The following PKD1L3 variants were observed in gnomAD, a reference collection of about 807,000 sequenced individuals.
The protein encoded by PKD1L3 is polycystin-1-like protein 3.
Under a neutral mutation model 184.1 loss-of-function variants are expected in PKD1L3, and 239 were observed. The observed-to-expected ratio is 1.30, with a 90% confidence interval of 1.17 to 1.45. The LOEUF is 1.45. Ranked by LOEUF, PKD1L3 falls within the 40% of genes most tolerant of loss-of-function variation. The pLI is 0.00. For missense variants in PKD1L3, 2,660 were observed against 2,067.2 expected (o/e 1.29, Z -5.56); for synonymous variants, 996 against 778.8 (o/e 1.28, Z -4.64).
At position 71,954,202 on chromosome 16, in the gene PKD1L3, T is replaced by C. The variant is rs1158788393; in HGVS notation, c.2712A>G (p.Gln904=). 1.9e-6 allele frequency: 3 copies of C among 1,551,754 alleles called. No individual in the cohort carries two copies. The highest frequency in any genetic ancestry group is 2.0e-5 in the Admixed American group (1 of 50,932). Residue 904 remains glutamine, a synonymous_variant, in exon 17 of 30, where the codon CAA becomes CAG. Transcript: ENST00000620267. ...RHPWNQFTRV[Q]RLSCCMTLLL... is the part of the protein sequence containing the mutation. ...GCAGTGTCATGCAGCAAGACAGCCG[T>C]TGGACCCTTGTAAACTGGTTCCAGG...
intron 2 of PKD1L3, among the ~76,000 whole-genome samples, chr16:71,993,545 G>T (rs901776913): frequency 3.3e-5 from 5 of 152,102 alleles, no homozygotes; most frequent in Admixed American, 3.3e-4. Context: ...CACTAGTTGG[G>T]TCAACACTGA....
chr16:71,965,733 T>C (rs1364253849), intron 15 of PKD1L3, among the ~76,000 whole-genome samples: 1 of 152,054 alleles, frequency 6.6e-6, no homozygotes, highest in East Asian at 1.9e-4. Flanking sequence ...TTTGTATTTT[T>C]AGTAGAGACA....
chr16:71,961,659 C>A (rs4462592), intron 16 of PKD1L3, among the ~76,000 whole-genome samples: 1 of 151,730 alleles, frequency 6.6e-6, no homozygotes, highest in South Asian at 2.1e-4. Flanking sequence ...GGAAATCTAA[C>A]ACAGAGGAGC....
chr16:71,970,063 T>C lies in PKD1L3; in HGVS notation c.1996A>G (p.Asn666Asp), dbSNP rs2039653689. Residue 666 changes from asparagine to aspartate, a missense_variant, in exon 13 of 30, where the codon AAC (asparagine) becomes GAC (aspartate). Transcript: ENST00000620267. The stretch of plus-strand genomic sequence containing the variant: ...TCGCTGGCAAAGAAGGTCAGGTGGT[T>C]ACAGAGACACTGTGTCCTCAGAATT... ...STILRTQCLCNHLTFFASDFF... is the reference protein window; with the variant it reads ...STILRTQCLCDHLTFFASDFF... 2 of 1,551,686 alleles carry C rather than the reference T, an allele frequency of 1.3e-6. No homozygotes were observed. Among genetic ancestry groups the C allele is most frequent in the Non-Finnish European group, 1.7e-6 (2 of 1,146,992 alleles).
intron 11 of PKD1L3, among the ~76,000 whole-genome samples, chr16:71,975,981 T>A (rs1298485467): frequency 6.7e-6 from 1 of 148,232 alleles, no homozygotes; most frequent in Non-Finnish European, 1.5e-5. Context: ...TGAGGCAGGG[T>A]CTGTCACCCA....
chr16:71,934,798 C>T (rs17286411), intron 26 of PKD1L3, among the ~76,000 whole-genome samples: 1 of 151,924 alleles, frequency 6.6e-6, no homozygotes, highest in Non-Finnish European at 1.5e-5. Flanking sequence ...GGAAAAGTTA[C>T]ACAGATCACC....
intron 13 of PKD1L3, among the ~76,000 whole-genome samples, chr16:71,969,317 C>A (rs1597339034): frequency 1.3e-5 from 2 of 151,508 alleles, no homozygotes; most frequent in South Asian, 4.2e-4. Flanking sequence ...CTTTTCTTTT[C>A]TTTTTCTTTT....
intron 7 of PKD1L3, 58 bp from the exon 8 acceptor site, chr16:71,980,192 AAAT>A (rs1266510868): frequency 6.6e-6 from 10 of 1,518,370 alleles, no homozygotes; most frequent in Non-Finnish European, 8.9e-6. Flanking sequence ...TATGTTAGTA[AAAT>A]AATGTTTTGG....
intron 28 of PKD1L3, among the ~76,000 whole-genome samples, chr16:71,933,063 A>AACTT (rs1260860449): frequency 2.0e-5 from 3 of 151,994 alleles, no homozygotes; most frequent in Admixed American, 2.0e-4. Context: ...GGCTTGAACC[A>AACTT]ACTTACCCTA....
In PKD1L3 at chr16:71,979,862, G is replaced by A. The variant is rs900447573; in HGVS notation, c.1322C>T (p.Ala441Val). 6.5e-6 allele frequency: 10 copies of A among 1,536,668 alleles called. No individual in the cohort carries two copies. The highest frequency in any genetic ancestry group is 8.7e-6 in the Non-Finnish European group (10 of 1,143,742). ...CGACGGAAAGCCTAGCCTCACAGGG[G>A]CTGGGTGACCCAGAGTGTAAGAGCT... ...PLSSYTLGHP[A>V]PVRLGFPSAL... is the part of the protein sequence containing the mutation. The change falls in exon 9 of 30, where the codon GCC (alanine) becomes GTC (valine). Residue 441 changes from alanine (A) to valine (V), a missense_variant. Physicochemically the swap from Ala to Val is moderately conservative, Grantham distance 64 (BLOSUM62 0). Transcript: ENST00000620267.
intron 7 of PKD1L3, among the ~76,000 whole-genome samples, chr16:71,981,535 CT>C (rs543488508): frequency 1.2e-3 from 130 of 105,064 alleles, no homozygotes; most frequent in Non-Finnish European, 1.8e-3. Context: ...TTCCTAAATT[CT>C]TTTTTTTTTT....
intron 22 of PKD1L3, among the ~76,000 whole-genome samples, chr16:71,944,570 C>A (rs1414119677): frequency 6.6e-6 from 1 of 152,050 alleles, no homozygotes; most frequent in East Asian, 1.9e-4. Flanking sequence ...GTGGTCCCGG[C>A]TACTAGGGAG....
chr16:72,000,071 A>T lies in PKD1L3; in HGVS notation c.-93T>A. On this transcript the variant is annotated 5_prime_UTR_variant, in exon 1 of 30. Transcript: ENST00000620267. ...TTGGCGGGCTTGTCTTATTAGTATT[A>T]TTCTTTTATGAATTGGGAACAATTT... 4 of 1,080,838 alleles carry T rather than the reference A, an allele frequency of 3.7e-6. No homozygotes were observed. The highest frequency in any genetic ancestry group is 3.8e-6 in the Non-Finnish European group (3 of 794,478). 67.0% of individuals were successfully genotyped at this position (1,080,838 alleles called of 1,614,324 possible).
chr16:71,961,665 G>C (rs776751867), intron 16 of PKD1L3, among the ~76,000 whole-genome samples: 1 of 152,034 alleles, frequency 6.6e-6, no homozygotes, highest in Admixed American at 6.6e-5. Flanking sequence ...CTAACACAGA[G>C]GAGCTTACAG....
In PKD1L3 at chr16:71,977,243, C is replaced by A; in HGVS notation, c.1752G>T (p.Trp584Cys). Residue 584 changes from tryptophan (W) to cysteine (C), a missense_variant, in exon 11 of 30, where the codon TGG (tryptophan) becomes TGT (cysteine). Coordinates refer to ENST00000620267, the MANE Select transcript of PKD1L3 (RefSeq NM_181536.2). The part of the protein sequence containing the change: ...LNITLPKDKV[W>C]QKDEEYTWVL... ...CAGCTGATTGGGTTTTACCTTTTTG[C>A]CACACCTTATCCTTTGGAAGGGTGA... 1 of 1,524,890 alleles carries A rather than the reference C, an allele frequency of 6.6e-7. No homozygotes were observed. 94.5% of individuals were successfully genotyped at this position (1,524,890 alleles called of 1,614,324 possible).
intron 13 of PKD1L3, among the ~76,000 whole-genome samples, chr16:71,968,590 ATTATAG>A (rs937241462): frequency 1.3e-5 from 2 of 152,146 alleles, no homozygotes; most frequent in East Asian, 3.8e-4. Flanking sequence ...TTTCTTGTAT[ATTATAG>A]TTATATTCTT....
chr16:71,958,760 G>A (rs1455010517), intron 16 of PKD1L3, among the ~76,000 whole-genome samples: 30 of 127,000 alleles, frequency 2.4e-4, no homozygotes, highest in Non-Finnish European at 2.8e-4. Context: ...CAGCCTAGGC[G>A]ATAGAGCAAG....
At chr16:71,943,926 G>C in intron 23 of PKD1L3, 104 bp downstream of exon 23, 2 of 1,328,824 alleles carry the variant, frequency 1.5e-6, no homozygotes, top group Non-Finnish European at 1.0e-6. Context: ...GATTTTAAAA[G>C]ACAGCTTTTT....
chr16:71,956,302 TTC>T (rs1426140254), intron 16 of PKD1L3, among the ~76,000 whole-genome samples: 1 of 143,404 alleles, frequency 7.0e-6, no homozygotes, highest in Admixed American at 7.7e-5. Flanking sequence ...CAAGCAATCC[TTC>T]TGTGTCAGCC....
Sources: allele counts gnomAD v4.1 joint callset (sites outside exome capture counted in the v4.1 genomes callset), GRCh38; gene constraint gnomAD v4.1.1; transcripts MANE v1.5; gene names NCBI Gene and HGNC (gene_info 2026-07-23, HGNC 2026-07-21).